Variants in BMERB1 observed in about 807,000 individuals in gnomAD.
BMERB1 encodes the protein bMERB domain containing 1.
Under a neutral mutation model 23.6 loss-of-function variants are expected in BMERB1, and 12 were observed. The ratio of observed to expected loss-of-function variants is 0.51; its 90% CI spans 0.33 to 0.82. BMERB1 has a LOEUF of 0.82. Ranked by LOEUF, BMERB1 falls within the 40% of genes least tolerant of loss-of-function variation. BMERB1 has a pLI of 0.03. For missense variants in BMERB1, 247 were observed against 255.4 expected (o/e 0.97, Z 0.22); for synonymous variants, 122 against 96.6 (o/e 1.26, Z -1.54).
At chr16:15,533,115 C>T (rs2051986182) in intron 2 of BMERB1, 2 of 405,948 alleles carry the variant, frequency 4.9e-6, no homozygotes, top group Admixed American at 6.0e-5. Context: ...ATTAAGTGCT[C>T]AGTCCAGTGC....
intron 5 of BMERB1, chr16:15,583,934 T>C: frequency 1.5e-6 from 1 of 688,966 alleles, no homozygotes; most frequent in Admixed American, 2.1e-5. Flanking sequence ...TCCTCCCTAA[T>C]TGCAAAGTTT....
At chr16:15,580,192 G>A (rs545648468) in intron 3 of BMERB1, among the ~76,000 whole-genome samples, 34 of 149,624 alleles carry the variant, frequency 2.3e-4, no homozygotes, top group South Asian at 1.3e-3. Context: ...GAACTCCTGG[G>A]CTCAAGAGAT....
intron 1 of BMERB1, among the ~76,000 whole-genome samples, chr16:15,461,943 A>G (rs1481549846): frequency 6.6e-6 from 1 of 151,874 alleles, no homozygotes; most frequent in Non-Finnish European, 1.5e-5. Context: ...CCAAAACAAC[A>G]ACAACAACAA....
chr16:15,438,398 T>C (rs1456779218), intron 1 of BMERB1, among the ~76,000 whole-genome samples: 6 of 151,818 alleles, frequency 4.0e-5, no homozygotes. Context: ...AAGCTGAAAT[T>C]CTTAAAACGT....
intron 3 of BMERB1, among the ~76,000 whole-genome samples, chr16:15,571,308 A>G (rs1322277153): frequency 6.6e-6 from 1 of 152,110 alleles, no homozygotes; most frequent in African/African-American, 2.4e-5. Context: ...CCAATTCACT[A>G]TACCAAAAGG....
chr16:15,494,621 TAGAC>T (rs1389472083), intron 1 of BMERB1, among the ~76,000 whole-genome samples: 2 of 152,146 alleles, frequency 1.3e-5, no homozygotes, highest in Non-Finnish European at 2.9e-5. Context: ...AACTTTGCCT[TAGAC>T]GGAGTTTGCT....
intron 2 of BMERB1, among the ~76,000 whole-genome samples, chr16:15,535,967 G>A (rs1354866945): frequency 1.3e-5 from 2 of 152,010 alleles, no homozygotes; most frequent in African/African-American, 4.8e-5. Context: ...CCTTTATCAC[G>A]AGAACAGCAT....
intron 1 of BMERB1, among the ~76,000 whole-genome samples, chr16:15,475,383 CTG>C (rs1339840486): frequency 1.3e-5 from 2 of 152,216 alleles, no homozygotes; most frequent in African/African-American, 4.8e-5. Context: ...GTCCCCAAAA[CTG>C]TCCTCAACTT....
chr16:15,544,975 CT>C (rs923307119), intron 2 of BMERB1, among the ~76,000 whole-genome samples: 1 of 143,868 alleles, frequency 7.0e-6, no homozygotes, highest in Non-Finnish European at 1.5e-5. Flanking sequence ...CTTTTCTTTT[CT>C]TTTTCTTTTT....
chr16:15,567,874 C>G, intron 2 of BMERB1, 109 bp from the exon 3 acceptor site: 1 of 995,494 alleles, frequency 1.0e-6, no homozygotes, highest in Non-Finnish European at 1.5e-6. Flanking sequence ...TGTATGGCCT[C>G]TTCAAAAGAT....
intron 1 of BMERB1, among the ~76,000 whole-genome samples, chr16:15,478,452 C>G (rs182589269): frequency 6.6e-6 from 1 of 152,146 alleles, no homozygotes; most frequent in African/African-American, 2.4e-5. Context: ...TGAGCCACCA[C>G]GCCTGGCCTT....
At chr16:15,576,557 A>G (rs1404806847) in intron 3 of BMERB1, among the ~76,000 whole-genome samples, 1 of 152,070 alleles carries the variant, frequency 6.6e-6, no homozygotes, top group Non-Finnish European at 1.5e-5. Flanking sequence ...CATTACATTC[A>G]TTTCCCAGAG....
intron 1 of BMERB1, among the ~76,000 whole-genome samples, chr16:15,450,314 A>G (rs893405899): frequency 6.6e-6 from 1 of 152,174 alleles, no homozygotes; most frequent in Non-Finnish European, 1.5e-5. Context: ...TTGAAAATGT[A>G]GAGGTCATCT....
chr16:15,493,465 T>A (rs2051442168), intron 1 of BMERB1, among the ~76,000 whole-genome samples: 1 of 152,204 alleles, frequency 6.6e-6, no homozygotes, highest in Admixed American at 6.5e-5. Flanking sequence ...AATCTTTTTT[T>A]AAATCCCCTA....
At chr16:15,491,346 T>G (rs1028545585) in intron 1 of BMERB1, among the ~76,000 whole-genome samples, 9 of 151,538 alleles carry the variant, frequency 5.9e-5, no homozygotes, top group African/African-American at 2.2e-4. Flanking sequence ...CACAGTGACT[T>G]TTTTTTTTCT....
intron 4 of BMERB1, 159 bp downstream of exon 4, chr16:15,581,490 T>C (rs757403045): frequency 3.6e-6 from 2 of 553,378 alleles, no homozygotes; most frequent in Non-Finnish European, 3.2e-6. Flanking sequence ...ACCCCAGCCT[T>C]CTGGCTTGAG....
chr16:15,438,660 A>C (rs933417071), intron 1 of BMERB1, among the ~76,000 whole-genome samples: 1 of 152,020 alleles, frequency 6.6e-6, no homozygotes, highest in East Asian at 1.9e-4. Flanking sequence ...GGGTTTCACC[A>C]TGTTGGCCAG....
intron 3 of BMERB1, among the ~76,000 whole-genome samples, chr16:15,574,964 A>G (rs1353076584): frequency 6.6e-6 from 1 of 152,204 alleles, no homozygotes; most frequent in African/African-American, 2.4e-5. Context: ...CTGTACTTCC[A>G]GCTACTCGGG....
chr16:15,472,662 A>G (rs530042470), intron 1 of BMERB1, among the ~76,000 whole-genome samples: 18 of 146,244 alleles, frequency 1.2e-4, no homozygotes, highest in Non-Finnish European at 1.9e-4. Flanking sequence ...TAGATAACAT[A>G]TTGCTGGATA....
Sources: allele counts gnomAD v4.1 joint callset (sites outside exome capture counted in the v4.1 genomes callset), GRCh38; gene constraint gnomAD v4.1.1; transcripts MANE v1.5; gene names NCBI Gene and HGNC (gene_info 2026-07-23, HGNC 2026-07-21).